The following SCN4A variants were observed in gnomAD, a reference collection of about 807,000 sequenced individuals.
SCN4A encodes the protein sodium channel protein type 4 subunit alpha.
Under a neutral mutation model 162.0 loss-of-function variants are expected in SCN4A, and 83 were observed. The ratio of observed to expected loss-of-function variants is 0.51; its 90% confidence interval spans 0.43 to 0.61. SCN4A has a LOEUF of 0.61. Ranked by LOEUF, SCN4A falls within the 20% of genes least tolerant of loss-of-function variation. The probability of loss-of-function intolerance (pLI) is 0.00; values close to 1 mark genes in which losing one functional copy is unlikely to be tolerated. For synonymous variants in SCN4A, 944 were observed against 985.1 expected, an observed-to-expected ratio of 0.96 and a Z score of 0.78; for missense variants, 2,196 against 2,462.5, an observed-to-expected ratio of 0.89 and a Z score of 2.29.
At chr17:63,961,641 C>A in intron 10 of SCN4A, 6 of 431,824 alleles carry the variant, frequency 1.4e-5, no homozygotes, top group Non-Finnish European at 2.2e-5. Context: ...GGCTTCACCC[C>A]AAAGCCCCGC....
In SCN4A at chr17:63,968,111, G is replaced by A. The variant is rs1909507630; in HGVS notation, c.948C>T (p.Asp316=). 6.2e-7 allele frequency: 1 copy of A among 1,613,882 alleles called. No homozygotes were observed. The highest frequency in any genetic ancestry group is 1.7e-5 in the Admixed American group (1 of 60,008). ...WYGNEMWYGN[D]SWYANDTWNS... Reference sequence around the variant, plus strand: ...TCCACGTGTCGTTGGCATACCATGAGTCATTGCCGTACCACATCTCATTGC... The same window carrying A: ...TCCACGTGTCGTTGGCATACCATGAATCATTGCCGTACCACATCTCATTGC... Residue 316 remains aspartate, a synonymous_variant, in exon 6 of 24, where the codon GAC becomes GAT. Transcript: ENST00000435607.
chr17:63,964,360 C>T, intron 9 of SCN4A, 108 bp downstream of exon 9: 2 of 957,766 alleles, frequency 2.1e-6, no homozygotes, highest in Non-Finnish European at 3.2e-6. Flanking sequence ...AAAACCCCTA[C>T]CCCTGTACCC....
rs1017360419 is a variant in SCN4A at position 63,944,910 on chromosome 17, A to C, written c.3774+97T>G. On this transcript the variant is annotated intron_variant, in intron 20 of 23. Transcript: ENST00000435607. The surrounding 1 kb of genome is among the most constrained non-coding windows in gnomAD (Gnocchi z 4.3). ...GGACCCATCCACCCCCAGGGCTGCC[A>C]AGTCTCGGGGACAGAACGTGCTGCC... 4.4e-6 allele frequency: 7 copies of C among 1,588,864 alleles called. No individual in the cohort carries two copies. The African/African-American group carries it at 8.1e-5, about 18-fold the overall frequency.
intron 13 of SCN4A, among the ~76,000 whole-genome samples, chr17:63,955,918 T>C (rs979336209): frequency 6.6e-6 from 1 of 152,228 alleles, no homozygotes; most frequent in Non-Finnish European, 1.5e-5. Context: ...CCATAGGCCT[T>C]TGGGGAACAT....
intron 10 of SCN4A, 99 bp from the exon 11 acceptor site, chr17:63,961,530 T>A: frequency 3.6e-6 from 3 of 837,938 alleles, no homozygotes; most frequent in Admixed American, 3.6e-5. Context: ...GCCCCGCCCC[T>A]TAGCACTCCA....
rs370472562 is a variant in SCN4A, at chr17:63,968,163, G to A, written c.896C>T (p.Thr299Met). ...DTNTTWYSND[T>M]WYGNDTWYGN... is the part of the protein sequence containing the mutation. ...ATACCATGTGTCATTGCCGTACCAC[G>A]TGTCATTGCTGTACCACGTGGTGTT... Residue 299 changes from threonine (T) to methionine (M), a missense_variant, in exon 6 of 24, where the codon ACG becomes ATG. By Grantham distance (81) the Thr-to-Met change is moderately conservative (BLOSUM62 -1). Transcript: ENST00000435607. 1.2e-5 allele frequency: 20 copies of A among 1,613,924 alleles called. No homozygotes were observed. The highest frequency in any genetic ancestry group is 4.5e-5 in the East Asian group (2 of 44,882).
chr17:63,959,468 A>T, intron 11 of SCN4A, 30 bp from the exon 12 acceptor site: 11 of 1,601,682 alleles, frequency 6.9e-6, no homozygotes, highest in South Asian at 1.1e-5. Flanking sequence ...CCTGTCACAG[A>T]GCCTCGGGGA....
Position 63,951,561 on chromosome 17 carries a change from T to C in SCN4A, c.2716A>G (p.Ser906Gly), listed in dbSNP as rs1325906745. ...AAGTTAAGGTGGTCCAGCTCGAGGC[T>C]GGATGGGGGGCCGTCAGCCAGGCCC... ...HMGLADGPPS[S>G]LELDHLNFIN... Residue 906 changes from serine (S) to glycine (G), a missense_variant, in exon 14 of 24, where the codon AGC becomes GGC. Transcript: ENST00000435607. This position sits in a 1 kb window ranked among gnomAD's most constrained non-coding sequence, Gnocchi z 4.5. The C allele has an allele frequency of 8.7e-6, 14 of 1,613,948 alleles. No individual in the cohort carries two copies. Among genetic ancestry groups the C allele is most frequent in the Non-Finnish European group, 1.2e-5 (14 of 1,179,862 alleles).
chr17:63,953,883 A>G (rs1427170834), intron 13 of SCN4A, among the ~76,000 whole-genome samples: 1 of 152,110 alleles, frequency 6.6e-6, no homozygotes, highest in African/African-American at 2.4e-5. Flanking sequence ...ATAACTTTAG[A>G]AGGCATCTTT....
chr17:63,949,720 C>CGCATGACA (rs942807791), intron 14 of SCN4A, 192 bp from the exon 15 acceptor site: 2 of 583,888 alleles, frequency 3.4e-6, no homozygotes, highest in Non-Finnish European at 5.9e-6. Flanking sequence ...TGGTCATGCC[C>CGCATGACA]GCATGACACT....
rs2144798645 is a variant in SCN4A, at chr17:63,961,248, A to G, written c.1790T>C (p.Met597Thr). Residue 597 changes from methionine to threonine, a missense_variant, in exon 11 of 24, where the codon ATG becomes ACG. Coordinates refer to ENST00000435607, the MANE Select transcript of SCN4A (RefSeq NM_000334.4). ...CIVLNTLFMAMEHYPMTEHFD... is the reference protein window; with the variant it reads ...CIVLNTLFMATEHYPMTEHFD... ...GTGCTCCGTCATGGGGTAATGTTCC[A>G]TGGCCATGAAGAGGGTGTTGAGCAC... The G allele has an allele frequency of 2.1e-5, 32 of 1,507,030 alleles. No homozygotes were observed. Among genetic ancestry groups the G allele is most frequent in the Non-Finnish European group, 2.9e-5 (32 of 1,121,256 alleles). The allele number at this position is 1,507,030 out of a possible 1,614,324, so 93.4% of individuals were successfully genotyped here. A position where few individuals can be genotyped will look rare whatever the true frequency, so the allele number is the denominator to read the frequency against.
chr17:63,945,205 G>C lies in SCN4A; in HGVS notation c.3721-145C>G, dbSNP rs1908673400. 1 of 1,016,236 alleles carries C rather than the reference G, an allele frequency of 9.8e-7. No individual in the cohort carries two copies. The highest frequency in any genetic ancestry group is 1.5e-6 in the Non-Finnish European group (1 of 676,826). 63.0% of individuals were successfully genotyped at this position (1,016,236 alleles called of 1,614,324 possible). ...CTGGGCTAGCATCAAATAAAGACCA[G>C]AGAGGTCTAGACACTGCCTGGGGAT... On this transcript the variant is annotated intron_variant, in intron 19 of 23. Coordinates refer to ENST00000435607, the MANE Select transcript of SCN4A (RefSeq NM_000334.4). This position sits in a 1 kb window ranked among gnomAD's most constrained non-coding sequence, Gnocchi z 4.4.
At position 63,943,089 on chromosome 17, in the gene SCN4A, A is replaced by G; in HGVS notation, c.4025T>C (p.Ile1342Thr). The G allele has an allele frequency of 6.2e-7, 1 of 1,609,880 alleles. No homozygotes were observed. The highest frequency in any genetic ancestry group is 2.2e-5 in the East Asian group (1 of 44,788). Residue 1342 changes from isoleucine to threonine, a missense_variant, in exon 23 of 24, where the codon ATC becomes ACC. Coordinates refer to ENST00000435607, the MANE Select transcript of SCN4A (RefSeq NM_000334.4). ...CACGAGGTCATACACCATGCCCTGG[A>G]TCTTGTTCTGCAGCATGGGTGGGAG... ...QKPIPRPQNK[I>T]QGMVYDLVTK...
In SCN4A at chr17:63,940,508, A is replaced by T; in HGVS notation, c.*263T>A. The T allele has an allele frequency of 2.2e-6, 1 of 459,268 alleles. No individual in the cohort carries two copies. Among genetic ancestry groups the T allele is most frequent in the Non-Finnish European group, 3.8e-6 (1 of 261,310 alleles). 28.4% of individuals were successfully genotyped at this position (459,268 alleles called of 1,614,324 possible). A position where few individuals can be genotyped will look rare whatever the true frequency, so the allele number is the denominator to read the frequency against. ...GGGGCGACAGGGCCCAGAGGAGGTC[A>T]GAGCAACTTGCAGGTTAAATCTTGG... On this transcript the variant is annotated 3_prime_UTR_variant, in exon 24 of 24. Transcript: ENST00000435607.
chr17:63,965,631 G>T (rs1236952146), intron 8 of SCN4A, among the ~76,000 whole-genome samples: 1 of 152,164 alleles, frequency 6.6e-6, no homozygotes, highest in Non-Finnish European at 1.5e-5. Flanking sequence ...TGGGAATATA[G>T]GCCCGTGCCA....
Position 63,947,895 on chromosome 17 carries a change from C to A in SCN4A, c.3313G>T (p.Val1105Leu), listed in dbSNP as rs756884948. The A allele has an allele frequency of 1.1e-5, 17 of 1,613,288 alleles. No homozygotes were observed. Among genetic ancestry groups the A allele is most frequent in the Non-Finnish European group, 1.4e-5 (17 of 1,179,600 alleles). Residue 1105 changes from valine (V) to leucine (L), a missense_variant, in exon 17 of 24, where the codon GTG becomes TTG. Physicochemically the swap from Val to Leu is conservative, Grantham distance 32. Transcript: ENST00000435607. ...GCCAGCGTGGGGGGACTCACATCCA[C>A]GATGAGGAAGTCGAGCCAGCACCAG... is the stretch of plus-strand genomic sequence containing the variant. ...NAWCWLDFLI[V>L]DVSIISLVAN... is the part of the protein sequence containing the mutation.
Position 63,940,793 on chromosome 17 carries a change from C to T in SCN4A, c.5489G>A (p.Gly1830Asp), listed in dbSNP as rs1395674390. 4 of 1,583,530 alleles carry T rather than the reference C, an allele frequency of 2.5e-6. No homozygotes were observed. The highest frequency in any genetic ancestry group is 1.8e-5 in the Admixed American group (1 of 55,964). Residue 1830 changes from glycine to aspartate, a missense_variant, in exon 24 of 24, where the codon GGT becomes GAT. Gly to Asp is a moderately conservative substitution (Grantham distance 94, BLOSUM62 -1). Transcript: ENST00000435607. ...APPPGQTVRP[G>D]VKESLV ...CTGCTAGACAAGAGACTCCTTGACA[C>T]CTGGGCGCACAGTCTGCCCTGGGGG...
At position 63,945,323 on chromosome 17, in the gene SCN4A, A is replaced by G. The variant is rs774647930; in HGVS notation, c.3720+37T>C. Reference sequence around the variant, plus strand: ...GAGGACCGGGGTGGGGGGCACCTCCATCCAGGTTCCCGGCAGGGGTGGTGG... The same window carrying G: ...GAGGACCGGGGTGGGGGGCACCTCCGTCCAGGTTCCCGGCAGGGGTGGTGG... On this transcript the variant is annotated intron_variant, in intron 19 of 23. Transcript: ENST00000435607. This position sits in a 1 kb window ranked among gnomAD's most constrained non-coding sequence, Gnocchi z 4.4. The G allele has an allele frequency of 2.5e-6, 4 of 1,579,838 alleles. No homozygotes were observed. The highest frequency in any genetic ancestry group is 1.1e-5 in the South Asian group (1 of 87,794).
intron 10 of SCN4A, among the ~76,000 whole-genome samples, chr17:63,962,080 A>C (rs1909282648): frequency 6.7e-6 from 1 of 148,398 alleles, no homozygotes; most frequent in Non-Finnish European, 1.5e-5. Context: ...CGCCCTCTTG[A>C]CTCACCCCAC....
Sources: allele counts gnomAD v4.1 joint callset (sites outside exome capture counted in the v4.1 genomes callset), GRCh38; gene constraint gnomAD v4.1.1; non-coding constraint Gnocchi (gnomAD v3.1); transcripts MANE v1.5; gene names NCBI Gene and HGNC (gene_info 2026-07-23, HGNC 2026-07-21).